Variants in THSD4 observed in about 807,000 individuals in gnomAD.
THSD4 encodes thrombospondin type-1 domain-containing protein 4.
Under a neutral mutation model 119.0 loss-of-function variants are expected in THSD4, and 69 were observed. That is an observed-to-expected ratio of 0.58 (90% CI 0.48 to 0.71). The LOEUF (loss-of-function observed/expected upper bound fraction) is 0.71, where lower values mean the gene tolerates loss of function less well. Among genes scored for constraint, THSD4 ranks in the 30% least tolerant of loss-of-function variants. The pLI, the probability that THSD4 is intolerant of heterozygous loss-of-function variation, is 0.00. For synonymous variants in THSD4, 524 were observed against 540.4 expected (o/e 0.97, Z 0.42); for missense variants, 1,393 against 1,391.1 (o/e 1.00, Z -0.02).
intron 6 of THSD4, among the ~76,000 whole-genome samples, chr15:71,371,483 A>C (rs769501470): frequency 6.6e-6 from 1 of 152,140 alleles, no homozygotes; most frequent in Non-Finnish European, 1.5e-5. Flanking sequence ...GGTGGTGACA[A>C]AATCTCTCAG....
chr15:71,532,283 AGTGTGTGTGTGT>A (rs1210856261), intron 7 of THSD4, among the ~76,000 whole-genome samples: 1,093 of 101,558 alleles, frequency 0.011, 29 homozygotes, highest in African/African-American at 0.029. Context: ...AGAGAGAGAG[AGTGTGTGTGTGT>A]GTGTGTGTGT....
chr15:71,373,061 C>T (rs563999570), intron 6 of THSD4, among the ~76,000 whole-genome samples: 2 of 152,164 alleles, frequency 1.3e-5, no homozygotes, highest in African/African-American at 2.4e-5. Flanking sequence ...AGAAGAAAAT[C>T]GAGAGATTCT....
At chr15:71,656,790 T>C (rs1433762591) in intron 7 of THSD4, among the ~76,000 whole-genome samples, 1 of 152,252 alleles carries the variant, frequency 6.6e-6, no homozygotes, top group Non-Finnish European at 1.5e-5. Context: ...AAGTCTTAGT[T>C]TCCTATAAAT....
chr15:71,608,222 C>CAAAAAAAAA (rs1220559216), intron 7 of THSD4, among the ~76,000 whole-genome samples: 1 of 46,758 alleles, frequency 2.1e-5, no homozygotes, highest in East Asian at 7.0e-4. Context: ...AACTCTGTCT[C>CAAAAAAAAA]AAAAAAAAAA....
intron 7 of THSD4, among the ~76,000 whole-genome samples, chr15:71,611,882 T>TA (rs34159542): frequency 1 from 152,314 of 152,318 alleles, 76,155 homozygotes; most frequent in Non-Finnish European, 1. Flanking sequence ...GATGAGGATG[T>TA]AATGGTGGGG....
chr15:71,158,153 T>TC (rs2141387137), intron 3 of THSD4, among the ~76,000 whole-genome samples: 3 of 138,718 alleles, frequency 2.2e-5, no homozygotes, highest in African/African-American at 8.0e-5. Flanking sequence ...CTTATCTTTT[T>TC]TTTTTTTTTT....
chr15:71,127,746 A>G (rs553449603), intron 1 of THSD4, among the ~76,000 whole-genome samples: 1 of 152,212 alleles, frequency 6.6e-6, no homozygotes, highest in Non-Finnish European at 1.5e-5. Flanking sequence ...TCCTCTGCCC[A>G]TTCTTTAATT....
chr15:71,362,907 T>G (rs553942522), intron 6 of THSD4, among the ~76,000 whole-genome samples: 1 of 150,734 alleles, frequency 6.6e-6, no homozygotes, highest in African/African-American at 2.4e-5. Context: ...TTGGCTTCCC[T>G]GGGCCACATT....
chr15:71,775,386 C>T (rs2053894996), intron 17 of THSD4, among the ~76,000 whole-genome samples: 1 of 152,056 alleles, frequency 6.6e-6, no homozygotes, highest in African/African-American at 2.4e-5. Flanking sequence ...AATCAAAATC[C>T]AGGCAAGGTT....
intron 3 of THSD4, 141 bp from the exon 4 acceptor site, chr15:71,214,894 C>A: frequency 8.4e-7 from 1 of 1,186,746 alleles, no homozygotes; most frequent in Non-Finnish European, 1.0e-6. Context: ...CGACTCTAAG[C>A]CAGGCTGGAT....
At chr15:71,305,225 T>C (rs2045008031) in intron 6 of THSD4, among the ~76,000 whole-genome samples, 1 of 152,106 alleles carries the variant, frequency 6.6e-6, no homozygotes, top group African/African-American at 2.4e-5. Flanking sequence ...ACCCAACACA[T>C]CAAAGTACCA....
chr15:71,400,495 C>A (rs1216910496), intron 6 of THSD4, among the ~76,000 whole-genome samples: 1 of 152,098 alleles, frequency 6.6e-6, no homozygotes, highest in Non-Finnish European at 1.5e-5. Flanking sequence ...AATTTGGAAT[C>A]CAAGGGCAGG....
intron 3 of THSD4, among the ~76,000 whole-genome samples, chr15:71,213,487 C>T (rs547176455): frequency 6.6e-6 from 1 of 152,336 alleles, no homozygotes; most frequent in East Asian, 1.9e-4. Flanking sequence ...CTTCCAAAAG[C>T]CTCCCACAAT....
chr15:71,249,109 A>G (rs557723014), intron 5 of THSD4, among the ~76,000 whole-genome samples: 2 of 152,260 alleles, frequency 1.3e-5, no homozygotes, highest in African/African-American at 4.8e-5. Context: ...TCATACATAT[A>G]TATATACACA....
intron 3 of THSD4, among the ~76,000 whole-genome samples, chr15:71,180,873 A>C (rs2043515257): frequency 6.6e-6 from 1 of 152,152 alleles, no homozygotes; most frequent in Non-Finnish European, 1.5e-5. Flanking sequence ...TTAAAAGTAT[A>C]AGAATTCATA....
At chr15:71,459,334 C>G (rs2047387430) in intron 7 of THSD4, among the ~76,000 whole-genome samples, 2 of 135,316 alleles carry the variant, frequency 1.5e-5, no homozygotes, top group Non-Finnish European at 3.2e-5. Context: ...ATCTCTCTCT[C>G]TCTGTCTCTC....
chr15:71,586,664 A>C (rs554183054), intron 7 of THSD4, among the ~76,000 whole-genome samples: 2 of 152,286 alleles, frequency 1.3e-5, no homozygotes, highest in East Asian at 3.9e-4. Context: ...AGGTCAGGCC[A>C]CTCTGATAAT....
intron 7 of THSD4, among the ~76,000 whole-genome samples, chr15:71,516,349 C>T (rs898238018): frequency 2.0e-5 from 3 of 152,122 alleles, no homozygotes; most frequent in South Asian, 2.1e-4. Flanking sequence ...GAGTGTTGGT[C>T]GTGAGTGGCC....
chr15:71,426,365 C>CTGTGTGTGTG (rs199965138), intron 7 of THSD4, among the ~76,000 whole-genome samples: 9 of 102,490 alleles, frequency 8.8e-5, no homozygotes, highest in African/African-American at 1.4e-4. Context: ...GTAAGTATAG[C>CTGTGTGTGTG]TGTGTGTGTG....
Sources: gnomAD v4.1 joint callset for allele counts (sites outside exome capture counted in the v4.1 genomes callset) on GRCh38, gnomAD v4.1.1 for gene constraint, MANE v1.5 for transcripts, NCBI Gene and HGNC (gene_info 2026-07-23, HGNC 2026-07-21) for gene names.